The following MICAL2 variants were observed in gnomAD, a reference collection of about 807,000 sequenced individuals.
The protein encoded by MICAL2 is [F-actin]-monooxygenase MICAL2.
In MICAL2, 77 loss-of-function variants were observed where a neutral mutation model predicts 127.3. The observed-to-expected ratio is 0.60, with a 90% confidence interval of 0.50 to 0.73. MICAL2 has a LOEUF of 0.73. MICAL2 is among the 30% of genes least tolerant of loss of function. MICAL2 has a pLI of 0.00. For synonymous variants in MICAL2, 570 were observed against 551.1 expected, an observed-to-expected ratio of 1.03 and a Z score of -0.48; for missense variants, 1,351 against 1,434.4, an observed-to-expected ratio of 0.94 and a Z score of 0.94.
At chr11:12,187,437 T>C (rs1337729542) in intron 3 of MICAL2, among the ~76,000 whole-genome samples, 1 of 152,220 alleles carries the variant, frequency 6.6e-6, no homozygotes, top group African/African-American at 2.4e-5. Context: ...AGAGCAACAC[T>C]TCCCCCTCTG....
At chr11:12,319,853 G>T (rs781034535) in intron 30 of MICAL2, 1 of 1,480,454 alleles carries the variant, frequency 6.8e-7, no homozygotes, top group Non-Finnish European at 9.4e-7. Flanking sequence ...TGGCTGGTGG[G>T]GGCTGCTTAC....
At chr11:12,237,324 T>A in intron 16 of MICAL2, among the ~76,000 whole-genome samples, 1 of 152,220 alleles carries the variant, frequency 6.6e-6, no homozygotes, top group South Asian at 2.1e-4. Context: ...CAGGAAGCAC[T>A]GTTTCTTCTC....
intron 29 of MICAL2, among the ~76,000 whole-genome samples, chr11:12,317,637 C>A (rs1031791576): frequency 1.3e-5 from 2 of 151,972 alleles, no homozygotes; most frequent in African/African-American, 4.8e-5. Flanking sequence ...GTTAAAAATA[C>A]AAAAATTAGC....
In MICAL2 at chr11:12,324,691, A is replaced by G. The variant is rs112514102; in HGVS notation, c.5421+621A>G. Among the ~76,000 whole-genome samples, 778 of 152,348 alleles carry G rather than the reference A, an allele frequency of 5.1e-3. 11 individuals carry two copies. Among genetic ancestry groups the G allele is most frequent in the African/African-American group, 0.018 (755 of 41,586 alleles). ...GGGTTTTAGGATACACGGACTTAGAATGACCACTCATGTTAATCCAGTATA... is the reference window on the plus strand; with the variant it reads ...GGGTTTTAGGATACACGGACTTAGAGTGACCACTCATGTTAATCCAGTATA... On this transcript the variant is annotated intron_variant, in intron 31 of 34. Transcript: ENST00000646065.
At chr11:12,141,069 G>A (rs920574310) in intron 2 of MICAL2, among the ~76,000 whole-genome samples, 1 of 152,138 alleles carries the variant, frequency 6.6e-6, no homozygotes, top group African/African-American at 2.4e-5. Context: ...GCTCCGGGAG[G>A]CAGTTATCAA....
At chr11:12,316,287 GT>G (rs1388351249) in intron 29 of MICAL2, among the ~76,000 whole-genome samples, 1 of 151,742 alleles carries the variant, frequency 6.6e-6, no homozygotes, top group Non-Finnish European at 1.5e-5. Flanking sequence ...GACAGTAATT[GT>G]TTCAATACAT....
At chr11:12,324,199 C>A in intron 31 of MICAL2, 1 of 1,108,450 alleles carries the variant, frequency 9.0e-7, no homozygotes, top group Non-Finnish European at 1.2e-6. Context: ...GTCTTGTTCT[C>A]TGAGGAACCA....
chr11:12,167,138 A>G (rs1855603059), intron 3 of MICAL2, among the ~76,000 whole-genome samples: 1 of 152,226 alleles, frequency 6.6e-6, no homozygotes, highest in Non-Finnish European at 1.5e-5. Flanking sequence ...ACCACTCCCC[A>G]CAGGATTGCT....
chr11:12,330,827 GAC>G (rs1864410881), intron 32 of MICAL2, among the ~76,000 whole-genome samples: 1 of 120,448 alleles, frequency 8.3e-6, no homozygotes, highest in East Asian at 2.2e-4. Flanking sequence ...GAGAGGGAGA[GAC>G]AGACAGAGAG....
downstream of MICAL2, among the ~76,000 whole-genome samples, chr11:12,265,962 A>G (rs960579121): frequency 6.6e-6 from 1 of 152,038 alleles, no homozygotes; most frequent in African/African-American, 2.4e-5. Flanking sequence ...CTAAAAAAAA[A>G]TTAGCTGGGC....
At chr11:12,149,113 C>T (rs765025561) in intron 2 of MICAL2, among the ~76,000 whole-genome samples, 1 of 152,112 alleles carries the variant, frequency 6.6e-6, no homozygotes, top group African/African-American at 2.4e-5. Context: ...TGGGCTTTCA[C>T]AAGGTAAACA....
intron 2 of MICAL2, among the ~76,000 whole-genome samples, chr11:12,281,457 C>T (rs1347590250): frequency 2.0e-5 from 3 of 152,128 alleles, no homozygotes; most frequent in African/African-American, 7.2e-5. Flanking sequence ...CCTCCAGCAT[C>T]CCATAGCCCC....
At chr11:12,318,014 AAGGCTAAAT>A (rs1252874258) in intron 29 of MICAL2, among the ~76,000 whole-genome samples, 2 of 152,360 alleles carry the variant, frequency 1.3e-5, no homozygotes, top group Middle Eastern at 3.4e-3. Context: ...TCCATAAACA[AAGGCTAAAT>A]AGGCAGTTTT....
At chr11:12,151,087 A>G (rs1327528451) in intron 2 of MICAL2, among the ~76,000 whole-genome samples, 1 of 152,052 alleles carries the variant, frequency 6.6e-6, no homozygotes, top group Non-Finnish European at 1.5e-5. Flanking sequence ...ACCACATCAC[A>G]TTGGCTTCCA....
At chr11:12,293,712 G>C, downstream of MICAL2, 1 of 1,614,064 alleles carries the variant, frequency 6.2e-7, no homozygotes, top group Non-Finnish European at 8.5e-7. Flanking sequence ...GCAGAGTACT[G>C]CCTGGTGAGC....
At chr11:12,280,012 C>T (rs868565700) in intron 1 of MICAL2, among the ~76,000 whole-genome samples, 1 of 152,370 alleles carries the variant, frequency 6.6e-6, no homozygotes, top group Middle Eastern at 3.4e-3. Flanking sequence ...TTCACTAACA[C>T]ATCACTGCTT....
chr11:12,135,259 G>T (rs899285015), intron 1 of MICAL2, among the ~76,000 whole-genome samples: 1 of 152,104 alleles, frequency 6.6e-6, no homozygotes, highest in Non-Finnish European at 1.5e-5. Flanking sequence ...CACTTTTCTT[G>T]AGCTACTTTA....
intron 1 of MICAL2, among the ~76,000 whole-genome samples, chr11:12,134,372 C>T (rs1421223310): frequency 1.3e-5 from 2 of 152,188 alleles, no homozygotes; most frequent in Admixed American, 1.3e-4. Context: ...TTCTTCCCCT[C>T]TCATAATGGG....
chr11:12,115,045 G>T (rs1196671581), intron 1 of MICAL2, among the ~76,000 whole-genome samples: 1 of 152,168 alleles, frequency 6.6e-6, no homozygotes, highest in African/African-American at 2.4e-5. Flanking sequence ...TCTGTCTCTG[G>T]ACAGTGCTGC....
Sources: allele counts gnomAD v4.1 joint callset (sites outside exome capture counted in the v4.1 genomes callset), GRCh38; gene constraint gnomAD v4.1.1; transcripts MANE v1.5; gene names NCBI Gene and HGNC (gene_info 2026-07-23, HGNC 2026-07-21).